Variants in CCDC192 observed in about 807,000 individuals in gnomAD.
The protein encoded by CCDC192 is coiled-coil domain containing 192.
At chr5:127,922,258 T>C (rs1753743714) in intron 6 of CCDC192, among the ~76,000 whole-genome samples, 1 of 152,256 alleles carries the variant, frequency 6.6e-6, no homozygotes, top group Non-Finnish European at 1.5e-5. Flanking sequence ...TAAGCTATCT[T>C]CTAGATAACA....
At position 127,907,766 on chromosome 5, in the gene CCDC192, T is replaced by A. The variant is rs371410595; in HGVS notation, c.535+32105T>A. On this transcript the variant is annotated intron_variant, in intron 6 of 6. Coordinates refer to ENST00000514853, the MANE Select transcript of CCDC192 (RefSeq NM_001317938.2). ...GATTTATTATTTATCAAAAATTAAGTCATCAAAAATCTTTGGTATGCTGGT... is the reference window on the plus strand; with the variant it reads ...GATTTATTATTTATCAAAAATTAAGACATCAAAAATCTTTGGTATGCTGGT... Among the ~76,000 whole-genome samples the A allele has an allele frequency of 1.7e-4, 26 of 152,320 alleles. No homozygotes were observed. The South Asian group carries it at 5.4e-3, about 32-fold the overall frequency.
At chr5:127,802,096 G>A (rs1219805322) in intron 5 of CCDC192, among the ~76,000 whole-genome samples, 2 of 152,092 alleles carry the variant, frequency 1.3e-5, no homozygotes, top group Non-Finnish European at 2.9e-5. Flanking sequence ...CAGGCCAATG[G>A]CCTCCTGCTT....
At chr5:127,814,945 T>C (rs1412063851) in intron 5 of CCDC192, among the ~76,000 whole-genome samples, 2 of 152,208 alleles carry the variant, frequency 1.3e-5, no homozygotes, top group African/African-American at 4.8e-5. Context: ...TTTTCTCTGA[T>C]GGGTTTTTTT....
chr5:127,837,643 G>A (rs998730215), intron 5 of CCDC192, among the ~76,000 whole-genome samples: 2 of 152,188 alleles, frequency 1.3e-5, no homozygotes. Context: ...CTGGAAATTG[G>A]CACCATTTGT....
chr5:127,883,737 T>G (rs1580792561), intron 6 of CCDC192, among the ~76,000 whole-genome samples: 1 of 152,158 alleles, frequency 6.6e-6, no homozygotes, highest in Non-Finnish European at 1.5e-5. Context: ...ACAAATTTAG[T>G]GTGATTGTGA....
At chr5:127,815,905 A>G (rs980158880) in intron 5 of CCDC192, among the ~76,000 whole-genome samples, 7 of 152,142 alleles carry the variant, frequency 4.6e-5, no homozygotes, top group African/African-American at 1.7e-4. Flanking sequence ...GATGTACAAG[A>G]AAGAGAATTT....
intron 2 of CCDC192, among the ~76,000 whole-genome samples, chr5:127,736,642 C>T (rs1271155606): frequency 3.3e-5 from 5 of 151,790 alleles, no homozygotes; most frequent in Admixed American, 2.6e-4. Context: ...TCAGCTTCTT[C>T]CTGGTTTAGT....
intron 2 of CCDC192, chr5:127,739,746 C>A (rs539103312): frequency 6.5e-6 from 1 of 153,292 alleles, no homozygotes; most frequent in East Asian, 1.9e-4. Flanking sequence ...CTCCCTGACC[C>A]CTTGCACTTC....
intron 5 of CCDC192, among the ~76,000 whole-genome samples, chr5:127,813,105 G>A (rs779102011): frequency 6.6e-6 from 1 of 152,222 alleles, no homozygotes; most frequent in Non-Finnish European, 1.5e-5. Context: ...TAGAGTGGGA[G>A]CCCGTGCAGG....
At chr5:127,708,412 T>G (rs937088147) in intron 2 of CCDC192, among the ~76,000 whole-genome samples, 23 of 152,214 alleles carry the variant, frequency 1.5e-4, no homozygotes, top group Non-Finnish European at 3.1e-4. Context: ...TCTACTTTTA[T>G]GTAAGTTTGA....
chr5:127,816,593 T>C (rs974408655), intron 5 of CCDC192, among the ~76,000 whole-genome samples: 19 of 152,204 alleles, frequency 1.2e-4, no homozygotes, highest in Non-Finnish European at 2.6e-4. Flanking sequence ...CACTGCTGTA[T>C]AGTTCTAGCT....
intron 6 of CCDC192, among the ~76,000 whole-genome samples, chr5:127,917,746 G>A: frequency 6.6e-6 from 1 of 152,068 alleles, no homozygotes; most frequent in East Asian, 1.9e-4. Context: ...ATCGATCACA[G>A]AACACCATAA....
rs116205890 is a variant in CCDC192 at position 127,914,004 on chromosome 5, G to A, written c.536-27178G>A. 6.3e-3 allele frequency among the ~76,000 whole-genome samples: 966 copies of A among 152,224 alleles called. 14 individuals are homozygous for A. Among genetic ancestry groups the A allele is most frequent in the African/African-American group, 0.022 (898 of 41,526 alleles). ...ATGAATGTGAATAAAAATGGAGAGG[G>A]GGGTAGAAATTAAAATAATGGGGAG... On this transcript the variant is annotated intron_variant, in intron 6 of 6. Coordinates refer to ENST00000514853, the MANE Select transcript of CCDC192 (RefSeq NM_001317938.2).
chr5:127,926,376 A>C (rs1250290644), intron 6 of CCDC192, among the ~76,000 whole-genome samples: 1 of 152,202 alleles, frequency 6.6e-6, no homozygotes, highest in Non-Finnish European at 1.5e-5. Flanking sequence ...TATGTCTCCT[A>C]AAGTGACTTA....
intron 5 of CCDC192, among the ~76,000 whole-genome samples, chr5:127,800,622 A>G (rs1757457897): frequency 2.0e-5 from 3 of 152,118 alleles, no homozygotes; most frequent in Non-Finnish European, 4.4e-5. Context: ...TGACCTGAAT[A>G]TCTTGCTGAC....
intron 5 of CCDC192, among the ~76,000 whole-genome samples, chr5:127,872,947 C>A (rs1751923342): frequency 1.3e-5 from 2 of 152,054 alleles, no homozygotes; most frequent in Admixed American, 1.3e-4. Context: ...AGACAGACAG[C>A]AAAGTGGTCT....
intron 5 of CCDC192, among the ~76,000 whole-genome samples, chr5:127,806,106 A>G (rs1193729824): frequency 2.6e-5 from 4 of 152,176 alleles, no homozygotes; most frequent in Non-Finnish European, 5.9e-5. Context: ...CATTGAAGCA[A>G]TATTCAAAAT....
intron 6 of CCDC192, among the ~76,000 whole-genome samples, chr5:127,916,845 G>T (rs1359476388): frequency 6.6e-6 from 1 of 152,164 alleles, no homozygotes; most frequent in Non-Finnish European, 1.5e-5. Context: ...TTTTGGAATG[G>T]TAAATGCACA....
At chr5:127,801,940 G>A (rs183491037) in intron 5 of CCDC192, among the ~76,000 whole-genome samples, 5 of 152,290 alleles carry the variant, frequency 3.3e-5, no homozygotes, top group African/African-American at 1.2e-4. Flanking sequence ...GCCTTATTTG[G>A]GTGTGGTTGG....
Sources: gnomAD v4.1 joint callset for allele counts (sites outside exome capture counted in the v4.1 genomes callset) on GRCh38, gnomAD v4.1.1 for gene constraint, MANE v1.5 for transcripts, NCBI Gene and HGNC (gene_info 2026-07-23, HGNC 2026-07-21) for gene names.